Variants in PUDP observed in about 807,000 individuals in gnomAD.
PUDP encodes pseudouridine-5'-phosphatase.
A neutral mutation model predicts 9.4 loss-of-function variants in PUDP; 8 were observed. That is an observed-to-expected ratio of 0.85 (90% CI 0.50 to 1.53). The LOEUF is 1.53. Among genes scored for constraint, PUDP ranks in the 40% most tolerant of loss-of-function variants. PUDP has a pLI of 0.00. For missense variants in PUDP, 188 were observed against 189.7 expected (o/e 0.99, Z 0.05); for synonymous variants, 99 against 80.7 (o/e 1.23, Z -1.22).
At position 7,057,427 on chromosome X, in the gene PUDP, T is replaced by A. The variant is rs113737136; in HGVS notation, c.511-6955A>T. On this transcript the variant is annotated intron_variant, in intron 3 of 3. Coordinates refer to ENST00000381077, the MANE Select transcript of PUDP (RefSeq NM_012080.5). Reference sequence around the variant, plus strand: ...GGGGGTGAGGATTTCAGCATCTGAATTGGGGGAGGGAAACAGTCCAAACAC... The same window carrying A: ...GGGGGTGAGGATTTCAGCATCTGAAATGGGGGAGGGAAACAGTCCAAACAC... Among the ~76,000 whole-genome samples the A allele has an allele frequency of 3.6e-5, 4 of 109,773 alleles. No homozygotes were observed. In the East Asian group the frequency reaches 1.2e-3, roughly 32 times the overall value.
intron 1 of PUDP, among the ~76,000 whole-genome samples, chrX:7,026,035 T>A (rs1034896583): frequency 8.9e-6 from 1 of 112,691 alleles, no homozygotes; most frequent in Non-Finnish European, 1.9e-5. Context: ...GTCTCCCCCA[T>A]AAGCCTTCTG....
intron 3 of PUDP, among the ~76,000 whole-genome samples, chrX:6,950,952 G>GTGT (rs1569129650): frequency 2.0e-5 from 2 of 102,493 alleles, no homozygotes; most frequent in African/African-American, 7.1e-5. Flanking sequence ...TTGGTTGTGT[G>GTGT]TTTTTTTTTT....
At chrX:6,902,724 G>T (rs1927709001) in intron 3 of PUDP, among the ~76,000 whole-genome samples, 1 of 111,661 alleles carries the variant, frequency 9.0e-6, no homozygotes, top group East Asian at 2.8e-4. Flanking sequence ...GGCAGAGCTA[G>T]CCTGTAAACT....
chrX:6,786,715 C>G (rs968990648), intron 3 of PUDP, among the ~76,000 whole-genome samples: 33 of 111,758 alleles, frequency 3.0e-4, no homozygotes, highest in African/African-American at 1.0e-3. Flanking sequence ...TTTCACCCAT[C>G]CATATGAACT....
intron 3 of PUDP, among the ~76,000 whole-genome samples, chrX:6,853,441 C>A (rs997992595): frequency 5.4e-5 from 4 of 74,326 alleles, no homozygotes; most frequent in Non-Finnish European, 1.0e-4. Context: ...AATATTCCCC[C>A]CTTTTGTGTG....
At chrX:6,921,330 G>A (rs1406795004) in intron 3 of PUDP, among the ~76,000 whole-genome samples, 1 of 110,203 alleles carries the variant, frequency 9.1e-6, no homozygotes, top group Non-Finnish European at 1.9e-5. Context: ...GCTGCAGGGA[G>A]CCACGATCAT....
At chrX:7,144,689 G>A (rs1239635048) in intron 1 of PUDP, among the ~76,000 whole-genome samples, 1 of 111,651 alleles carries the variant, frequency 9.0e-6, no homozygotes. Flanking sequence ...TTTACTAAAG[G>A]TGAAGTAGAA....
At chrX:6,897,070 ACC>A (rs1195170698) in intron 3 of PUDP, among the ~76,000 whole-genome samples, 1 of 110,056 alleles carries the variant, frequency 9.1e-6, no homozygotes, top group Non-Finnish European at 1.9e-5. Flanking sequence ...GGTAGTAAAA[ACC>A]CCGGGACAGA....
At chrX:6,805,188 T>G (rs1334891233) in intron 3 of PUDP, among the ~76,000 whole-genome samples, 1 of 111,595 alleles carries the variant, frequency 9.0e-6, no homozygotes, top group Admixed American at 9.5e-5. Context: ...GAGGATGGCT[T>G]GAGCCTGGGA....
chrX:7,072,467 C>G (rs1480410826), intron 3 of PUDP, among the ~76,000 whole-genome samples: 2 of 111,628 alleles, frequency 1.8e-5, no homozygotes, highest in Admixed American at 1.9e-4. Context: ...TAAAACAACA[C>G]TAACAAGTAC....
chrX:6,894,499 A>C (rs181394940), intron 3 of PUDP, among the ~76,000 whole-genome samples: 40 of 112,455 alleles, frequency 3.6e-4, no homozygotes, highest in Non-Finnish European at 6.2e-4. Flanking sequence ...GGAGACGTGC[A>C]AAGTTTATCT....
At chrX:7,113,158 C>T (rs1569163400) in intron 1 of PUDP, 1 of 112,163 alleles carries the variant, frequency 8.9e-6, no homozygotes, top group East Asian at 2.8e-4. Flanking sequence ...GAGGAGGTTC[C>T]CAATGTTGAC....
intron 3 of PUDP, among the ~76,000 whole-genome samples, chrX:6,763,956 G>T (rs1339215225): frequency 4.5e-5 from 5 of 111,890 alleles, no homozygotes; most frequent in Non-Finnish European, 7.5e-5. Flanking sequence ...ATTATTGGCT[G>T]GTGTCTTTCT....
chrX:6,842,075 C>T (rs958250645), intron 3 of PUDP, among the ~76,000 whole-genome samples: 1 of 111,466 alleles, frequency 9.0e-6, no homozygotes, highest in Admixed American at 9.6e-5. Context: ...GGAAGAGACA[C>T]GATAGGACAT....
chrX:6,991,686 A>AT lies in PUDP; in HGVS notation c.205-13344_205-13343insA, dbSNP rs1291661178. Among the ~76,000 whole-genome samples, 312 of 109,442 alleles carry AT rather than the reference A, an allele frequency of 2.9e-3. 2 individuals carry two copies. Among genetic ancestry groups the AT allele is most frequent in the African/African-American group, 8.6e-3 (257 of 29,973 alleles). Reference sequence around the variant, plus strand: ...AGTAAGACCTTGTCTCAAAAAAAAAAAAAATAAAATAAAATTTTAAAAAAT... The same window carrying AT: ...AGTAAGACCTTGTCTCAAAAAAAAAATAAAATAAAATAAAATTTTAAAAAAT... On this transcript the variant is annotated intron_variant and NMD_transcript_variant, in intron 1 of 3. Coordinates refer to the PUDP transcript ENST00000655425.
intron 3 of PUDP, among the ~76,000 whole-genome samples, chrX:6,889,084 G>GAC (rs1427434340): frequency 1.8e-5 from 2 of 111,907 alleles, no homozygotes; most frequent in Non-Finnish European, 3.8e-5. Flanking sequence ...AATTACCCAG[G>GAC]ACACACACTG....
At chrX:6,800,433 G>A (rs1030137528) in intron 3 of PUDP, among the ~76,000 whole-genome samples, 3 of 111,441 alleles carry the variant, frequency 2.7e-5, no homozygotes, top group East Asian at 2.8e-4. Context: ...TCCTACAGAC[G>A]ACAGTTATTG....
rs183650681 is a variant in PUDP at position 7,094,418 on chromosome X, G to A, written c.280+11202C>T. ...ATTGCCCAGGCTGGAGTGCAGTGGC[G>A]TGATCTTGGCTCACTGCAAGCTCCG... is the stretch of plus-strand genomic sequence containing the variant. On this transcript the variant is annotated intron_variant, in intron 2 of 3. Coordinates refer to ENST00000381077, the MANE Select transcript of PUDP (RefSeq NM_012080.5). Among the ~76,000 whole-genome samples the A allele has an allele frequency of 5.4e-3, 565 of 104,673 alleles. 3 individuals are homozygous for A. Among genetic ancestry groups the A allele is most frequent in the African/African-American group, 0.019 (530 of 28,325 alleles). 90.9% of individuals were successfully genotyped at this position (104,673 alleles called of 115,157 possible).
At chrX:6,948,310 G>A (rs1046213029) in intron 3 of PUDP, among the ~76,000 whole-genome samples, 2 of 111,467 alleles carry the variant, frequency 1.8e-5, no homozygotes, top group Non-Finnish European at 3.8e-5. Context: ...TGTCTTCTAC[G>A]TTACTCCTTT....
Sources: gnomAD v4.1 joint callset for allele counts (sites outside exome capture counted in the v4.1 genomes callset) on GRCh38, gnomAD v4.1.1 for gene constraint, MANE v1.5 for transcripts, NCBI Gene and HGNC (gene_info 2026-07-23, HGNC 2026-07-21) for gene names.